COMMD7: variants seen among roughly 807,000 people sequenced by gnomAD.
The protein encoded by COMMD7 is COMM domain containing 7.
In COMMD7, 28 loss-of-function variants were observed where a neutral mutation model predicts 34.8. The ratio of observed to expected loss-of-function variants is 0.80; its 90% confidence interval spans 0.60 to 1.10. The LOEUF (loss-of-function observed/expected upper bound fraction) is 1.10, where lower values mean the gene tolerates loss of function less well. COMMD7 is among the 50% of genes least tolerant of loss of function. The pLI is 0.00. For missense variants in COMMD7, 211 were observed against 241.6 expected (o/e 0.87, Z 0.84); for synonymous variants, 80 against 86.4 (o/e 0.93, Z 0.41).
intron 3 of COMMD7, among the ~76,000 whole-genome samples, chr20:32,726,947 G>A (rs1464907435): frequency 6.6e-6 from 1 of 151,934 alleles, no homozygotes; most frequent in Non-Finnish European, 1.5e-5. Context: ...CACTTGAACT[G>A]AACCTGGGCA....
chr20:32,730,460 CAGA>C (rs1985772526), intron 1 of COMMD7, among the ~76,000 whole-genome samples: 1 of 152,202 alleles, frequency 6.6e-6, no homozygotes, highest in South Asian at 2.1e-4. Flanking sequence ...GAGGCTGAGG[CAGA>C]AGAATTGCTT....
chr20:32,743,420 C>G lies in COMMD7; in HGVS notation c.-29G>C. On this transcript the variant is annotated 5_prime_UTR_variant, in exon 1 of 9. Coordinates refer to ENST00000278980, the MANE Select transcript of COMMD7 (RefSeq NM_053041.3). Reference sequence around the variant, plus strand: ...GCGCGCCCCAGCCCCGCAGGTTCCACCGCCGCCGCCGCCCTGCTCAGCTTC... The same window carrying G: ...GCGCGCCCCAGCCCCGCAGGTTCCAGCGCCGCCGCCGCCCTGCTCAGCTTC... 7.7e-7 allele frequency: 1 copy of G among 1,296,660 alleles called. No homozygotes were observed. Among genetic ancestry groups the G allele is most frequent in the Non-Finnish European group, 9.8e-7 (1 of 1,020,764 alleles). The allele number at this position is 1,296,660 out of a possible 1,614,324, so 80.3% of individuals were successfully genotyped here.
At chr20:32,739,657 A>AAAAAAAAAAAAAAAAAAAAC (rs1986328300) in intron 1 of COMMD7, among the ~76,000 whole-genome samples, 2 of 136,542 alleles carry the variant, frequency 1.5e-5, no homozygotes, top group African/African-American at 2.8e-5. Flanking sequence ...AAAAAAAAAA[A>AAAAAAAAAAAAAAAAAAAAC]AAAAAAATAC....
In COMMD7 at chr20:32,703,338, G is replaced by A. The variant is rs577463814; in HGVS notation, c.*44C>T. 1.3e-4 allele frequency: 202 copies of A among 1,564,912 alleles called. No individual in the cohort carries two copies. Among genetic ancestry groups the A allele is most frequent in the Non-Finnish European group, 1.7e-4 (196 of 1,139,650 alleles). On this transcript the variant is annotated 3_prime_UTR_variant, in exon 9 of 9. Coordinates refer to ENST00000278980, the MANE Select transcript of COMMD7 (RefSeq NM_053041.3). ...TCTCAGAGCAGTCACCCAGGGAAGG[G>A]AGGAGGGCAGGGAACGGGGCCAGGG...
intron 3 of COMMD7, among the ~76,000 whole-genome samples, chr20:32,725,026 TACTC>T (rs1296422118): frequency 2.0e-5 from 3 of 151,088 alleles, no homozygotes; most frequent in East Asian, 3.9e-4. Flanking sequence ...GGTCTCAAAA[TACTC>T]ACATTTGTGA....
At chr20:32,739,461 C>G (rs985896255) in intron 1 of COMMD7, among the ~76,000 whole-genome samples, 1 of 151,730 alleles carries the variant, frequency 6.6e-6, no homozygotes, top group Non-Finnish European at 1.5e-5. Flanking sequence ...CTCACTAAAG[C>G]GGTGAAACCC....
chr20:32,706,641 A>G (rs762498360), intron 4 of COMMD7, 21 bp from the exon 5 acceptor site: 4 of 1,612,040 alleles, frequency 2.5e-6, no homozygotes, highest in Non-Finnish European at 3.4e-6. Context: ...ACAGAAGGAG[A>G]TATTAACATA....
chr20:32,705,540 A>G (rs1051122603), intron 5 of COMMD7, among the ~76,000 whole-genome samples: 1 of 151,608 alleles, frequency 6.6e-6, no homozygotes, highest in Non-Finnish European at 1.5e-5. Context: ...TGCCCAGCTA[A>G]TTTTTTATAT....
At chr20:32,713,049 CTTTTT>C (rs1318989294) in intron 3 of COMMD7, among the ~76,000 whole-genome samples, 4 of 134,396 alleles carry the variant, frequency 3.0e-5, no homozygotes, top group South Asian at 4.8e-4. Flanking sequence ...TTTTTAATTT[CTTTTT>C]TTTTTTTTTT....
At chr20:32,728,258 C>A (rs1224188552) in intron 1 of COMMD7, 116 bp from the exon 2 acceptor site, 3 of 888,528 alleles carry the variant, frequency 3.4e-6, no homozygotes, top group Non-Finnish European at 3.6e-6. Context: ...AGGTGTTATG[C>A]CTGTTCTGAT....
chr20:32,735,786 C>A (rs1986104816), intron 1 of COMMD7, among the ~76,000 whole-genome samples: 4 of 152,184 alleles, frequency 2.6e-5, no homozygotes, highest in Admixed American at 2.6e-4. Flanking sequence ...TCTGGGATTA[C>A]AGACATGCTG....
At position 32,703,330 on chromosome 20, in the gene COMMD7, AG is replaced by A. The variant is rs1983860511; in HGVS notation, c.*51del. 6.5e-7 allele frequency: 1 copy of A among 1,535,798 alleles called. No individual in the cohort carries two copies. Among genetic ancestry groups the A allele is most frequent in the African/African-American group, 1.4e-5 (1 of 73,192 alleles). On this transcript the variant is annotated 3_prime_UTR_variant, in exon 9 of 9. Transcript: ENST00000278980. The stretch of plus-strand genomic sequence containing the variant: ...GAAGTGCCTCTCAGAGCAGTCACCC[AG>A]GGAAGGGAGGAGGGCAGGGAACGGG...
intron 7 of COMMD7, 116 bp downstream of exon 7, chr20:32,704,324 G>T: frequency 1.0e-6 from 1 of 996,082 alleles, no homozygotes; most frequent in Non-Finnish European, 1.5e-6. Context: ...ACTGCTCTGA[G>T]ATATATAAGG....
intron 1 of COMMD7, among the ~76,000 whole-genome samples, chr20:32,735,598 T>C (rs559576271): frequency 1.9e-3 from 286 of 152,266 alleles, no homozygotes; most frequent in African/African-American, 6.8e-3. Flanking sequence ...ATTACAGGCG[T>C]GAGCCACTGT....
At chr20:32,716,586 G>T (rs965237258) in intron 3 of COMMD7, among the ~76,000 whole-genome samples, 1 of 152,146 alleles carries the variant, frequency 6.6e-6, no homozygotes, top group Non-Finnish European at 1.5e-5. Context: ...CTGCACTCCA[G>T]CCTGGGTGAC....
intron 3 of COMMD7, among the ~76,000 whole-genome samples, chr20:32,710,966 C>G (rs1984402016): frequency 6.6e-6 from 1 of 152,056 alleles, no homozygotes; most frequent in Non-Finnish European, 1.5e-5. Context: ...ACCTGTAATC[C>G]AGCTGCTCAG....
chr20:32,720,472 GA>G (rs1039651551), intron 3 of COMMD7, among the ~76,000 whole-genome samples: 8 of 151,858 alleles, frequency 5.3e-5, no homozygotes, highest in Non-Finnish European at 1.2e-4. Context: ...TCCAGCCTGG[GA>G]GACAAGAGTG....
rs183600142 is a variant in COMMD7 at position 32,734,816 on chromosome 20, C to T, written c.85-6674G>A. Among the ~76,000 whole-genome samples, 598 of 151,658 alleles carry T rather than the reference C, an allele frequency of 3.9e-3. 3 individuals are homozygous for T. Among genetic ancestry groups the T allele is most frequent in the African/African-American group, 0.013 (540 of 41,324 alleles). ...GGTGGTAGCTGTAGTCCCAGCTACT[C>T]GGGAGGCTGAGGCAGGAGGATGGCT... On this transcript the variant is annotated intron_variant, in intron 1 of 8. Coordinates refer to ENST00000278980, the MANE Select transcript of COMMD7 (RefSeq NM_053041.3).
intron 1 of COMMD7, among the ~76,000 whole-genome samples, chr20:32,732,978 T>G (rs1029499183): frequency 2.7e-5 from 4 of 148,760 alleles, no homozygotes; most frequent in Admixed American, 6.8e-5. Flanking sequence ...GGCTCACATC[T>G]GTAATCCCAG....
Sources: gnomAD v4.1 joint callset for allele counts (sites outside exome capture counted in the v4.1 genomes callset) on GRCh38, gnomAD v4.1.1 for gene constraint, MANE v1.5 for transcripts, NCBI Gene and HGNC (gene_info 2026-07-23, HGNC 2026-07-21) for gene names.